Variants in VAV1 observed in about 807,000 individuals in gnomAD.
VAV1 encodes the protein proto-oncogene vav.
Under a neutral mutation model 128.1 loss-of-function variants are expected in VAV1, and 33 were observed. That is an observed-to-expected ratio of 0.26 (90% confidence interval 0.20 to 0.34). The LOEUF (loss-of-function observed/expected upper bound fraction) is 0.34. VAV1 is among the 10% of genes least tolerant of loss of function. VAV1 has a pLI of 1.00. For synonymous variants in VAV1, 394 were observed against 409.8 expected (o/e 0.96, Z 0.47); for missense variants, 715 against 1,093.7 (o/e 0.65, Z 4.88).
At chr19:6,815,563 C>T (rs2144757957) in intron 1 of VAV1, among the ~76,000 whole-genome samples, 1 of 152,246 alleles carries the variant, frequency 6.6e-6, no homozygotes, top group South Asian at 2.1e-4. Context: ...TAGACTGTGG[C>T]AGCAATTGAG....
intron 1 of VAV1, among the ~76,000 whole-genome samples, chr19:6,795,459 GC>G (rs1971112249): frequency 7.3e-6 from 1 of 137,196 alleles, no homozygotes; most frequent in Non-Finnish European, 1.6e-5. Flanking sequence ...TTCACCCAGG[GC>G]GTAGTTCTTT....
At chr19:6,810,306 G>C (rs1200196405) in intron 1 of VAV1, among the ~76,000 whole-genome samples, 1 of 151,868 alleles carries the variant, frequency 6.6e-6, no homozygotes, top group African/African-American at 2.4e-5. Context: ...CTTCAGCCTG[G>C]GCAACAGAGT....
rs1476236857 is a variant in VAV1 at position 6,836,530 on chromosome 19, G to C, written c.1876G>C (p.Glu626Gln). 5 of 1,613,932 alleles carry C rather than the reference G, an allele frequency of 3.1e-6. No homozygotes were observed. Among genetic ancestry groups the C allele is most frequent in the Non-Finnish European group, 4.2e-6 (5 of 1,180,014 alleles). The change falls in exon 20 of 27, where the codon GAG (glutamate) becomes CAG (glutamine). Residue 626 changes from glutamate (E) to glutamine (Q), a missense_variant. By Grantham distance (29) the Glu-to-Gln change is conservative. Transcript: ENST00000602142. ...ACGGCTCAACCCTGGAGACATTGTG[G>C]AGCTCACGAAGGCTGAGGCTGAACA... ...FLRLNPGDIV[E>Q]LTKAEAEQNW...
rs1972499803 is a variant in VAV1, at chr19:6,845,530, T to C, written c.2012+2364T>C. On this transcript the variant is annotated intron_variant, in intron 22 of 26. Coordinates refer to ENST00000602142, the MANE Select transcript of VAV1 (RefSeq NM_005428.4). ...TTACATATTAACATTTACATGATGT[T>C]AGATATTATATGCAATTACATATGA... is the stretch of plus-strand genomic sequence containing the variant. Among the ~76,000 whole-genome samples, 3 of 151,788 alleles carry C rather than the reference T, an allele frequency of 2.0e-5. No individual in the cohort carries two copies. The South Asian group carries it at 6.2e-4, about 31-fold the overall frequency.
chr19:6,799,292 C>T (rs1379679417), intron 1 of VAV1, among the ~76,000 whole-genome samples: 2 of 151,986 alleles, frequency 1.3e-5, no homozygotes, highest in Non-Finnish European at 2.9e-5. Context: ...CTCAGCCTCT[C>T]GAACAGCTGG....
intron 1 of VAV1, among the ~76,000 whole-genome samples, chr19:6,791,763 GGAA>G (rs1345873076): frequency 2.0e-5 from 3 of 152,282 alleles, no homozygotes; most frequent in Non-Finnish European, 4.4e-5. Context: ...GGGATCAAGG[GGAA>G]GAAGAAGAGG....
chr19:6,853,049 C>T lies in VAV1; in HGVS notation c.2302C>T (p.Pro768Ser), dbSNP rs767854229. 1.2e-6 allele frequency: 2 copies of T among 1,611,308 alleles called. No individual in the cohort carries two copies. The highest frequency in any genetic ancestry group is 1.1e-5 in the South Asian group (1 of 91,068). Reference protein sequence around the residue: ...DTTLQFPFKEPEKRTISRPAV... With the variant: ...DTTLQFPFKESEKRTISRPAV... ...CACCTTGCAGTTCCCCTTCAAGGAG[C>T]CTGAAAAGAGAACCATCAGCAGGCC... The change falls in exon 25 of 27, where the codon CCT becomes TCT. Residue 768 changes from proline to serine, a missense_variant. By Grantham distance (74) the Pro-to-Ser change is moderately conservative. Coordinates refer to ENST00000602142, the MANE Select transcript of VAV1 (RefSeq NM_005428.4).
chr19:6,794,216 TAATA>T (rs1417743995), intron 1 of VAV1, among the ~76,000 whole-genome samples: 1 of 151,982 alleles, frequency 6.6e-6, no homozygotes, highest in Admixed American at 6.6e-5. Flanking sequence ...GGTTTATTGG[TAATA>T]AATCATTTAT....
intron 1 of VAV1, among the ~76,000 whole-genome samples, chr19:6,813,640 G>A (rs1241290856): frequency 1.3e-5 from 2 of 152,052 alleles, no homozygotes; most frequent in Admixed American, 6.6e-5. Flanking sequence ...CATGGCTGAG[G>A]TTTTCTATAC....
intron 1 of VAV1, among the ~76,000 whole-genome samples, chr19:6,807,630 T>C (rs1971424108): frequency 6.6e-6 from 1 of 151,932 alleles, no homozygotes; most frequent in Non-Finnish European, 1.5e-5. Context: ...GAGGATCACT[T>C]GAGCCCAGGA....
chr19:6,855,864 C>T (rs1972787109), intron 26 of VAV1, among the ~76,000 whole-genome samples: 3 of 152,112 alleles, frequency 2.0e-5, no homozygotes, highest in Admixed American at 1.3e-4. Context: ...ATCTATCTAC[C>T]TATCTATCCA....
At chr19:6,793,452 G>A (rs1260654686) in intron 1 of VAV1, among the ~76,000 whole-genome samples, 1 of 152,118 alleles carries the variant, frequency 6.6e-6, no homozygotes, top group Non-Finnish European at 1.5e-5. Context: ...AGGGTGATTT[G>A]TTGGGGGAGC....
intron 26 of VAV1, among the ~76,000 whole-genome samples, chr19:6,855,966 A>G (rs1156911287): frequency 6.6e-6 from 1 of 152,212 alleles, no homozygotes; most frequent in Non-Finnish European, 1.5e-5. Flanking sequence ...GAACTGTTCT[A>G]GGCTCTTGGG....
At chr19:6,856,953 G>A in intron 26 of VAV1, 101 bp from the exon 27 acceptor site, 2 of 990,040 alleles carry the variant, frequency 2.0e-6, no homozygotes, top group East Asian at 4.8e-5. Flanking sequence ...AGGAAGAGCA[G>A]GTGCAAAGGC....
rs143564425 is a variant in VAV1 at position 6,833,106 on chromosome 19, C to T, written c.1509-78C>T. The stretch of plus-strand genomic sequence containing the variant: ...CACGCAAAACGTGGTCTGTTCATAC[C>T]ATGGAATAGTATTCAGCCATAAAAA... On this transcript the variant is annotated intron_variant, in intron 15 of 26. Coordinates refer to ENST00000602142, the MANE Select transcript of VAV1 (RefSeq NM_005428.4). The T allele has an allele frequency of 7.1e-4, 923 of 1,304,406 alleles. 6 individuals are homozygous for T. In the African/African-American group the frequency reaches 0.013, roughly 18 times the overall value. The allele number at this position is 1,304,406 out of a possible 1,614,324, so 80.8% of individuals were successfully genotyped here. A position where few individuals can be genotyped will look rare whatever the true frequency, so the allele number is the denominator to read the frequency against.
chr19:6,845,347 T>C (rs555291485), intron 22 of VAV1, among the ~76,000 whole-genome samples: 4 of 152,096 alleles, frequency 2.6e-5, no homozygotes, highest in African/African-American at 9.7e-5. Flanking sequence ...ATTGCGCCAT[T>C]GCACTCCAGC....
rs1330759158 is a variant in VAV1, at chr19:6,820,235, G to C, written c.205-467G>C. Among the ~76,000 whole-genome samples the C allele has an allele frequency of 6.6e-6, 1 of 152,050 alleles. No homozygotes were observed. The highest frequency in any genetic ancestry group is 2.4e-5 in the African/African-American group (1 of 41,412). ...CTGGGAGGTGGAGGCAGGAGGCATG[G>C]TTTTTTGTTTGTTTGTTTGAGACAG... On this transcript the variant is annotated intron_variant, in intron 1 of 26. Coordinates refer to ENST00000602142, the MANE Select transcript of VAV1 (RefSeq NM_005428.4). The surrounding 1 kb of genome is among the most constrained non-coding windows in gnomAD (Gnocchi z 4.4).
intron 15 of VAV1, among the ~76,000 whole-genome samples, 170 bp from the exon 16 acceptor site, chr19:6,833,014 A>G (rs1294941055): frequency 6.6e-6 from 1 of 152,190 alleles, no homozygotes; most frequent in Non-Finnish European, 1.5e-5. Context: ...CCCAATGTGC[A>G]TGGCAGCACG....
At chr19:6,836,682 G>C in intron 20 of VAV1, 114 bp downstream of exon 20, 1 of 1,483,436 alleles carries the variant, frequency 6.7e-7, no homozygotes, top group South Asian at 1.3e-5. Context: ...GTGATGCCTG[G>C]GGAGTGGGGT....
Sources: gnomAD v4.1 joint callset for allele counts (sites outside exome capture counted in the v4.1 genomes callset) on GRCh38, gnomAD v4.1.1 for gene constraint, Gnocchi (gnomAD v3.1) non-coding constraint, MANE v1.5 for transcripts, NCBI Gene and HGNC (gene_info 2026-07-23, HGNC 2026-07-21) for gene names.